Variants in PODXL observed in about 807,000 individuals in gnomAD.
PODXL encodes podocalyxin like, also known as podocalyxin.
PODXL carries 20 observed loss-of-function variants against 48.9 expected under a neutral mutation model. The observed-to-expected ratio is 0.41, with a 90% CI of 0.29 to 0.59. PODXL has a LOEUF of 0.59. Ranked by LOEUF, PODXL falls within the 20% of genes least tolerant of loss-of-function variation. PODXL has a pLI of 0.31. For missense variants in PODXL, 606 were observed against 675.1 expected (o/e 0.90, Z 1.13); for synonymous variants, 295 against 287.4 (o/e 1.03, Z -0.27).
At chr7:131,512,718 C>T (rs1302905774) in intron 1 of PODXL, among the ~76,000 whole-genome samples, 1 of 152,190 alleles carries the variant, frequency 6.6e-6, no homozygotes, top group Non-Finnish European at 1.5e-5. Context: ...TGGCTCATGC[C>T]TTTAATCCCA....
chr7:131,525,502 C>T (rs895029816), intron 1 of PODXL, among the ~76,000 whole-genome samples: 2 of 146,512 alleles, frequency 1.4e-5, no homozygotes, highest in African/African-American at 2.5e-5. Flanking sequence ...CCCAGCTACT[C>T]GGGAGGCAGG....
At chr7:131,516,565 C>T (rs924363631) in intron 1 of PODXL, among the ~76,000 whole-genome samples, 1 of 151,972 alleles carries the variant, frequency 6.6e-6, no homozygotes, top group Non-Finnish European at 1.5e-5. Context: ...TCATGTATGT[C>T]CTGCTCACTC....
chr7:131,504,192 A>C lies in PODXL; in HGVS notation c.*119T>G. The C allele has an allele frequency of 1.3e-6, 1 of 758,512 alleles. No individual in the cohort carries two copies. The highest frequency in any genetic ancestry group is 2.4e-5 in the Admixed American group (1 of 41,572). The allele number at this position is 758,512 out of a possible 1,614,324, so 47.0% of individuals were successfully genotyped here. A position where few individuals can be genotyped will look rare whatever the true frequency, so the allele number is the denominator to read the frequency against. ...AAATTAAGGCCCTGGGGGGATTGGG[A>C]GGGGACACCCCTCGGAGTTCACTCT... On this transcript the variant is annotated 3_prime_UTR_variant, in exon 9 of 9. Transcript: ENST00000378555.
chr7:131,539,621 C>G (rs1048098342), intron 1 of PODXL, among the ~76,000 whole-genome samples: 1 of 152,122 alleles, frequency 6.6e-6, no homozygotes. Flanking sequence ...GCCCAGTCCC[C>G]GAAATGTAAA....
intron 1 of PODXL, among the ~76,000 whole-genome samples, chr7:131,514,815 G>A (rs763653959): frequency 4.6e-5 from 7 of 151,948 alleles, no homozygotes; most frequent in Non-Finnish European, 1.0e-4. Context: ...CACTATAATG[G>A]CCAGGCTAGT....
At chr7:131,508,707 G>A (rs1415209649) in intron 5 of PODXL, among the ~76,000 whole-genome samples, 1 of 120,262 alleles carries the variant, frequency 8.3e-6, no homozygotes, top group Non-Finnish European at 1.7e-5. Flanking sequence ...GAGGAAACCG[G>A]GGGGTGGGAG....
rs989673899 is a variant in PODXL at position 131,500,843 on chromosome 7, C to T, written c.*3468G>A. On this transcript the variant is annotated 3_prime_UTR_variant, in exon 9 of 9. Transcript: ENST00000378555. ...CTTCGAGTAGCAATTCTTAATTTAC[C>T]GATTATTCCTTCTGAGGCGCACAGT... 1 of 152,048 alleles carries T rather than the reference C, an allele frequency of 6.6e-6. No homozygotes were observed. The highest frequency in any genetic ancestry group is 1.5e-5 in the Non-Finnish European group (1 of 68,018). 9.4% of individuals were successfully genotyped at this position (152,048 alleles called of 1,614,324 possible).
At chr7:131,506,376 G>GCAGTCCCCGTCCCCC in intron 6 of PODXL, 55 bp from the exon 7 acceptor site, 1 of 1,569,324 alleles carries the variant, frequency 6.4e-7, no homozygotes, top group Non-Finnish European at 8.8e-7. Context: ...GGCAGTGGGG[G>GCAGTCCCCGTCCCCC]ACGGGGACTG....
intron 1 of PODXL, among the ~76,000 whole-genome samples, chr7:131,525,267 C>T (rs959325121): frequency 5.9e-5 from 9 of 151,756 alleles, no homozygotes; most frequent in African/African-American, 1.9e-4. Flanking sequence ...GTAATGGAGA[C>T]TATGAAAATC....
At position 131,536,598 on chromosome 7, in the gene PODXL, C is replaced by A. The variant is rs143439719; in HGVS notation, c.100+19662G>T. Among the ~76,000 whole-genome samples, 19 of 152,304 alleles carry A rather than the reference C, an allele frequency of 1.2e-4. No individual in the cohort carries two copies. The East Asian group carries it at 3.7e-3, about 29-fold the overall frequency. ...AACACAGCAGGTTAAGGCGCCTAAT[C>A]TGGCCTTCCCTGCCACTTCTCCTGG... On this transcript the variant is annotated intron_variant, in intron 1 of 8. Transcript: ENST00000378555.
At chr7:131,521,908 G>T (rs1798098246) in intron 1 of PODXL, among the ~76,000 whole-genome samples, 1 of 152,222 alleles carries the variant, frequency 6.6e-6, no homozygotes, top group Admixed American at 6.5e-5. Context: ...AAAATCTACA[G>T]CCTGAGGGCA....
chr7:131,525,415 C>A (rs1450203666), intron 1 of PODXL, among the ~76,000 whole-genome samples: 1 of 111,556 alleles, frequency 9.0e-6, no homozygotes, highest in Non-Finnish European at 1.7e-5. Context: ...ATGGCAAAAC[C>A]TCATCTCTAC....
At chr7:131,508,167 G>T (rs1351765691) in intron 5 of PODXL, among the ~76,000 whole-genome samples, 1 of 152,176 alleles carries the variant, frequency 6.6e-6, no homozygotes, top group African/African-American at 2.4e-5. Context: ...TGGCCTGAAG[G>T]CTGCTCACAC....
At chr7:131,509,308 A>G in intron 4 of PODXL, 57 bp downstream of exon 4, 1 of 1,368,436 alleles carries the variant, frequency 7.3e-7, no homozygotes, top group Non-Finnish European at 1.0e-6. Context: ...CCTTGTCTTA[A>G]AGCCTCTTCT....
At chr7:131,541,700 CAAGT>C (rs1225607338) in intron 1 of PODXL, among the ~76,000 whole-genome samples, 5 of 151,496 alleles carry the variant, frequency 3.3e-5, no homozygotes, top group Admixed American at 2.6e-4. Flanking sequence ...ACAAACAAAC[CAAGT>C]AAGTGGATAT....
intron 1 of PODXL, among the ~76,000 whole-genome samples, chr7:131,533,685 G>A (rs1486756198): frequency 6.6e-6 from 1 of 152,172 alleles, no homozygotes; most frequent in Non-Finnish European, 1.5e-5. Flanking sequence ...CAACACCTGG[G>A]AGCAGGGCAC....
intron 3 of PODXL, among the ~76,000 whole-genome samples, chr7:131,509,984 G>T (rs917660305): frequency 2.0e-5 from 3 of 152,274 alleles, no homozygotes. Flanking sequence ...GCCGGAGCCC[G>T]CACTCCTACT....
chr7:131,556,297 C>A lies in PODXL; in HGVS notation c.63G>T (p.Pro21=). ...GCGACGGCGACGGCGACGGCGACGA[C>A]GGCAGCAGCGGCGGCGTTGACAACA... is the stretch of plus-strand genomic sequence containing the variant. ...LLLLSTPPLL[P]SSPSPSPSPS... The change falls in exon 1 of 9, where the codon CCG becomes CCT. Residue 21 remains proline (P), a synonymous_variant. Coordinates refer to ENST00000378555, the MANE Select transcript of PODXL (RefSeq NM_001018111.3). 6.7e-7 allele frequency: 1 copy of A among 1,500,118 alleles called. No individual in the cohort carries two copies. Among genetic ancestry groups the A allele is most frequent in the South Asian group, 1.3e-5 (1 of 78,384 alleles). The allele number at this position is 1,500,118 out of a possible 1,614,324, so 92.9% of individuals were successfully genotyped here.
At position 131,500,635 on chromosome 7, in the gene PODXL, T is replaced by C. The variant is rs8232; in HGVS notation, c.*3676A>G. On this transcript the variant is annotated 3_prime_UTR_variant, in exon 9 of 9. Transcript: ENST00000378555. ...CAGTCCTGTTGGAGTAAGTTCCATA[T>C]ATAAAAGCTCATCCAAAACTTTGTT... The C allele has an allele frequency of 0.068, 10,433 of 152,334 alleles. 420 individuals are homozygous for C. The highest frequency in any genetic ancestry group is 0.19 in the East Asian group (992 of 5,188). 9.4% of individuals were successfully genotyped at this position (152,334 alleles called of 1,614,324 possible). A position where few individuals can be genotyped will look rare whatever the true frequency, so the allele number is the denominator to read the frequency against.
Sources: gnomAD v4.1 joint callset for allele counts (sites outside exome capture counted in the v4.1 genomes callset) on GRCh38, gnomAD v4.1.1 for gene constraint, MANE v1.5 for transcripts, NCBI Gene and HGNC (gene_info 2026-07-23, HGNC 2026-07-21) for gene names.